The following BTD variants were observed in gnomAD, a reference collection of about 807,000 sequenced individuals.
BTD encodes the protein biotinidase.
A neutral mutation model predicts 17.7 loss-of-function variants in BTD; 13 were observed. The ratio of observed to expected loss-of-function variants is 0.74; its 90% CI spans 0.48 to 1.17. The LOEUF (loss-of-function observed/expected upper bound fraction) is 1.17. BTD is among the 50% of genes most tolerant of loss of function. The pLI is 0.00. For missense variants in BTD, 674 were observed against 650.4 expected (o/e 1.04, Z -0.39); for synonymous variants, 240 against 245.2 (o/e 0.98, Z 0.20).
At chr3:15,628,414 C>A (rs1004523325) in intron 1 of BTD, among the ~76,000 whole-genome samples, 1 of 152,212 alleles carries the variant, frequency 6.6e-6, no homozygotes, top group African/African-American at 2.4e-5. Context: ...AAAATTTTGA[C>A]ACGTAGTTCT....
At chr3:15,626,489 A>AAAGCTG (rs751949002) in intron 1 of BTD, among the ~76,000 whole-genome samples, 1 of 152,192 alleles carries the variant, frequency 6.6e-6, no homozygotes, top group African/African-American at 2.4e-5. Flanking sequence ...CATGCCAGGT[A>AAAGCTG]AAGCTGTAGG....
chr3:15,700,760 G>T (rs1178617997), intron 3 of BTD, among the ~76,000 whole-genome samples: 1 of 152,114 alleles, frequency 6.6e-6, no homozygotes, highest in Non-Finnish European at 1.5e-5. Flanking sequence ...GCGACAGAGT[G>T]AGACTGCAAA....
intron 3 of BTD, chr3:15,708,203 C>T (rs904111654): frequency 9.5e-6 from 9 of 950,826 alleles, no homozygotes; most frequent in South Asian, 9.2e-5. Flanking sequence ...CTAAGTCTTG[C>T]GGAGGACTGG....
intron 3 of BTD, among the ~76,000 whole-genome samples, chr3:15,700,301 T>C (rs1273905356): frequency 6.7e-6 from 1 of 150,234 alleles, no homozygotes; most frequent in East Asian, 2.0e-4. Flanking sequence ...CTGTCCGGGG[T>C]GGGGGCCTGG....
In BTD at chr3:15,645,969, G is replaced by A. The variant is rs1052763108; in HGVS notation, c.*481G>A. On this transcript the variant is annotated 3_prime_UTR_variant, in exon 4 of 4. Transcript: ENST00000643237. ...GCTCAATTAGAAATGGCCCTTGTGGGGAACCTTCCCATTCTGGTCGACCAG... is the reference window on the plus strand; with the variant it reads ...GCTCAATTAGAAATGGCCCTTGTGGAGAACCTTCCCATTCTGGTCGACCAG... The A allele has an allele frequency of 6.5e-6, 1 of 154,454 alleles. No homozygotes were observed. Among genetic ancestry groups the A allele is most frequent in the Non-Finnish European group, 1.4e-5 (1 of 69,840 alleles). The allele number at this position is 154,454 out of a possible 1,614,324, so 9.6% of individuals were successfully genotyped here.
At chr3:15,603,045 C>T (rs182499119) in intron 1 of BTD, among the ~76,000 whole-genome samples, 1 of 152,236 alleles carries the variant, frequency 6.6e-6, no homozygotes, top group East Asian at 1.9e-4. Flanking sequence ...ACCATCAGAT[C>T]TCATGAGACT....
At chr3:15,706,871 G>A (rs1260869743) in intron 3 of BTD, among the ~76,000 whole-genome samples, 1 of 151,938 alleles carries the variant, frequency 6.6e-6, no homozygotes, top group Non-Finnish European at 1.5e-5. Flanking sequence ...TGTGTCTGTT[G>A]GCTGCATAAA....
intron 3 of BTD, among the ~76,000 whole-genome samples, chr3:15,666,118 C>T (rs758646465): frequency 6.6e-6 from 1 of 152,226 alleles, no homozygotes; most frequent in Non-Finnish European, 1.5e-5. Flanking sequence ...TGCCAAGAGC[C>T]TAGCACAGTT....
chr3:15,623,176 T>C (rs1316501791), intron 1 of BTD, among the ~76,000 whole-genome samples: 1 of 152,190 alleles, frequency 6.6e-6, no homozygotes, highest in Admixed American at 6.5e-5. Flanking sequence ...GGCTCCACCT[T>C]TGATACATGG....
In BTD at chr3:15,652,741, A is replaced by T. The variant is rs763568330; in HGVS notation, c.*7253A>T. On this transcript the variant is annotated 3_prime_UTR_variant, in exon 4 of 4. Transcript: ENST00000643237. ...ATCTCCCACATCCAAGTTAAAATTCATCCAACACTCAATCTCCCAGCTATC... is the reference window on the plus strand; with the variant it reads ...ATCTCCCACATCCAAGTTAAAATTCTTCCAACACTCAATCTCCCAGCTATC... Among the ~76,000 whole-genome samples, 1 of 152,224 alleles carries T rather than the reference A, an allele frequency of 6.6e-6. No individual in the cohort carries two copies. Among genetic ancestry groups the T allele is most frequent in the Non-Finnish European group, 1.5e-5 (1 of 68,036 alleles).
Position 15,650,067 on chromosome 3 carries a change from C to G in BTD, c.*4579C>G, listed in dbSNP as rs2065776993. On this transcript the variant is annotated 3_prime_UTR_variant, in exon 4 of 4. Coordinates refer to ENST00000643237, the MANE Select transcript of BTD (RefSeq NM_001370658.1). ...TCCACGGAGACCCACCCTCTAAGAC[C>G]AGAGCCAGTGTCCTATTCATCTTTT... Among the ~76,000 whole-genome samples, 1 of 152,210 alleles carries G rather than the reference C, an allele frequency of 6.6e-6. No homozygotes were observed. The highest frequency in any genetic ancestry group is 1.5e-5 in the Non-Finnish European group (1 of 68,030).
chr3:15,690,173 C>A (rs1458265665), intron 3 of BTD: 1 of 1,608,416 alleles, frequency 6.2e-7, no homozygotes, highest in African/African-American at 1.3e-5. Flanking sequence ...CAAGATCTAA[C>A]AAAGACTGTA....
chr3:15,700,286 G>A (rs6772879), intron 3 of BTD, among the ~76,000 whole-genome samples: 81,320 of 151,754 alleles, frequency 0.54, 22,637 homozygotes, highest in Middle Eastern at 0.63. Flanking sequence ...ATCATACACC[G>A]GGGCCTGTCC....
At chr3:15,641,821 C>T in intron 2 of BTD, 87 bp from the exon 3 acceptor site, 2 of 1,062,062 alleles carry the variant, frequency 1.9e-6, no homozygotes, top group Non-Finnish European at 2.9e-6. Context: ...CTGATGGTTG[C>T]CAAAAGAATG....
intron 3 of BTD, among the ~76,000 whole-genome samples, chr3:15,693,313 T>A (rs1445431421): frequency 6.6e-6 from 1 of 150,602 alleles, no homozygotes; most frequent in African/African-American, 2.5e-5. Flanking sequence ...GACAAAAAAA[T>A]AGTAATGGGG....
Position 15,645,453 on chromosome 3 carries a change from G to A in BTD, c.1537G>A (p.Ala513Thr). Residue 513 changes from alanine (A) to threonine (T), a missense_variant, in exon 4 of 4, where the codon GCG becomes ACG. Coordinates refer to ENST00000643237, the MANE Select transcript of BTD (RefSeq NM_001370658.1). Reference sequence around the variant, plus strand: ...TAGGCTGTCCTCTGGGCTGGTGACGGCGGCTCTCTATGGGCGCTTGTATGA... The same window carrying A: ...TAGGCTGTCCTCTGGGCTGGTGACGACGGCTCTCTATGGGCGCTTGTATGA... The part of the protein sequence containing the change: ...KSRLSSGLVT[A>T]ALYGRLYERD 6.2e-7 allele frequency: 1 copy of A among 1,611,760 alleles called. No individual in the cohort carries two copies. The highest frequency in any genetic ancestry group is 8.5e-7 in the Non-Finnish European group (1 of 1,180,020).
intron 1 of BTD, among the ~76,000 whole-genome samples, chr3:15,615,068 T>G (rs1220975257): frequency 6.6e-6 from 1 of 152,224 alleles, no homozygotes; most frequent in Admixed American, 6.5e-5. Context: ...CCTTGTGTGT[T>G]TTGTAATTTT....
chr3:15,705,336 G>C (rs9826679), intron 3 of BTD, among the ~76,000 whole-genome samples: 3,704 of 152,192 alleles, frequency 0.024, 162 homozygotes, highest in African/African-American at 0.082. Context: ...TTTTGTGTGT[G>C]TGTGAATTCA....
intron 3 of BTD, chr3:15,676,876 A>C: frequency 1.0e-6 from 1 of 962,064 alleles, no homozygotes; most frequent in East Asian, 2.5e-5. Flanking sequence ...TCTATGACTA[A>C]TGAAACCTAT....
Sources: allele counts gnomAD v4.1 joint callset (sites outside exome capture counted in the v4.1 genomes callset), GRCh38; gene constraint gnomAD v4.1.1; transcripts MANE v1.5; gene names NCBI Gene and HGNC (gene_info 2026-07-23, HGNC 2026-07-21).